FRYL: variants seen among roughly 807,000 people sequenced by gnomAD.
The protein encoded by FRYL is FRY like transcription coactivator.
A neutral mutation model predicts 351.2 loss-of-function variants in FRYL; 150 were observed. That is an observed-to-expected ratio of 0.43 (90% CI 0.37 to 0.49). FRYL has a LOEUF of 0.49. Ranked by LOEUF, FRYL falls within the 20% of genes least tolerant of loss-of-function variation. The pLI is 0.00. For synonymous variants in FRYL, 1,153 were observed against 1,257.1 expected (o/e 0.92, Z 1.75); for missense variants, 3,036 against 3,619.3 (o/e 0.84, Z 4.13).
chr4:48,700,166 A>G (rs1470688448), intron 2 of FRYL, among the ~76,000 whole-genome samples: 1 of 152,244 alleles, frequency 6.6e-6, no homozygotes, highest in Non-Finnish European at 1.5e-5. Flanking sequence ...AGATTGTGGT[A>G]GAAAGTTCTA....
At position 48,561,594 on chromosome 4, in the gene FRYL, C is replaced by A. The variant is rs370498527; in HGVS notation, c.3739G>T (p.Val1247Phe). 2.1e-5 allele frequency: 34 copies of A among 1,611,638 alleles called. No individual in the cohort carries two copies. Among genetic ancestry groups the A allele is most frequent in the Non-Finnish European group, 2.6e-5 (31 of 1,178,490 alleles). ...CTGAGTACTCCATCTGTTCTCTGAA[C>A]CTCCAATTTGTGAGCATAGCGAAAC... The part of the protein sequence containing the change: ...KMFRYAHKLE[V>F]QRTDGVLSQL... Residue 1247 changes from valine (V) to phenylalanine (F), a missense_variant, in exon 33 of 64, where the codon GTT becomes TTT. This residue lies in a region of FRYL where 1,987 missense variants were observed against 2,311.7 expected (regional missense o/e 0.86). Coordinates refer to ENST00000358350, the MANE Select transcript of FRYL (RefSeq NM_015030.2).
intron 7 of FRYL, among the ~76,000 whole-genome samples, chr4:48,617,120 G>A (rs898319672): frequency 6.6e-6 from 1 of 152,016 alleles, no homozygotes; most frequent in African/African-American, 2.4e-5. Flanking sequence ...ATTTTTTGAT[G>A]AGTGCATTTA....
intron 50 of FRYL, among the ~76,000 whole-genome samples, chr4:48,529,660 CA>C (rs1727097055): frequency 2.6e-5 from 4 of 152,104 alleles, no homozygotes; most frequent in Admixed American, 2.6e-4. Context: ...TAATTCTAAT[CA>C]ACAAAAAAGT....
chr4:48,581,826 TTC>T (rs1223213616), intron 20 of FRYL, among the ~76,000 whole-genome samples: 1 of 152,196 alleles, frequency 6.6e-6, no homozygotes, highest in African/African-American at 2.4e-5. Context: ...ACTTCTACCA[TTC>T]TCTGACTATT....
At chr4:48,603,986 CTT>C (rs1420114187) in intron 11 of FRYL, among the ~76,000 whole-genome samples, 1 of 152,186 alleles carries the variant, frequency 6.6e-6, no homozygotes, top group East Asian at 1.9e-4. Flanking sequence ...TAATCATACT[CTT>C]TTTAAAATTT....
chr4:48,581,628 C>G (rs1740917624), intron 20 of FRYL, 23 bp from the exon 21 acceptor site: 1 of 1,559,082 alleles, frequency 6.4e-7, no homozygotes, highest in Non-Finnish European at 8.7e-7. Flanking sequence ...AAGTTAAAAA[C>G]AAAATATAAA....
At chr4:48,704,470 C>T (rs1469490904) in intron 2 of FRYL, among the ~76,000 whole-genome samples, 2 of 152,086 alleles carry the variant, frequency 1.3e-5, no homozygotes, top group East Asian at 3.9e-4. Flanking sequence ...GGTATAACTT[C>T]TTATGAGGAT....
intron 2 of FRYL, among the ~76,000 whole-genome samples, chr4:48,689,067 G>A (rs1765445647): frequency 6.6e-6 from 1 of 152,268 alleles, no homozygotes; most frequent in African/African-American, 2.4e-5. Context: ...AAAATGCTGT[G>A]TAATGATACT....
At chr4:48,738,128 TA>T in intron 1 of FRYL, among the ~76,000 whole-genome samples, 1 of 152,138 alleles carries the variant, frequency 6.6e-6, no homozygotes, top group East Asian at 1.9e-4. Flanking sequence ...GGAAAGGAAA[TA>T]AAAAGTATAT....
Position 48,602,036 on chromosome 4 carries a change from C to T in FRYL, c.1019G>A (p.Cys340Tyr). ...LNNWHIFLQN[C>Y]LSHLKNKDPK... Reference sequence around the variant, plus strand: ...ACATCTTACCTTTAAATGTGACAAACAGTTCTGTAGGAAAATATGCCAGTT... The same window carrying T: ...ACATCTTACCTTTAAATGTGACAAATAGTTCTGTAGGAAAATATGCCAGTT... The change falls in exon 13 of 64, where the codon TGT becomes TAT. Residue 340 changes from cysteine to tyrosine, a missense_variant. Coordinates refer to ENST00000358350, the MANE Select transcript of FRYL (RefSeq NM_015030.2). 6.3e-7 allele frequency: 1 copy of T among 1,575,946 alleles called. No homozygotes were observed. The highest frequency in any genetic ancestry group is 8.7e-7 in the Non-Finnish European group (1 of 1,146,636).
At chr4:48,544,034 TC>T in intron 43 of FRYL, 37 bp from the exon 44 acceptor site, 1 of 1,562,320 alleles carries the variant, frequency 6.4e-7, no homozygotes, top group Non-Finnish European at 8.8e-7. Flanking sequence ...TTGTTCTTGT[TC>T]TTTAGAATAC....
chr4:48,557,356 G>C, intron 34 of FRYL, 97 bp downstream of exon 34: 1 of 1,459,306 alleles, frequency 6.9e-7, no homozygotes, highest in Non-Finnish European at 9.3e-7. Context: ...TATTTGTTTG[G>C]TTATCACAGG....
At chr4:48,756,714 G>A (rs1287883135) in intron 1 of FRYL, among the ~76,000 whole-genome samples, 1 of 152,154 alleles carries the variant, frequency 6.6e-6, no homozygotes, top group Admixed American at 6.6e-5. Context: ...TTGGGAGGTG[G>A]AGGTGGCAAG....
chr4:48,652,021 A>G (rs1757792622), intron 3 of FRYL, among the ~76,000 whole-genome samples: 1 of 152,214 alleles, frequency 6.6e-6, no homozygotes, highest in South Asian at 2.1e-4. Flanking sequence ...CCCCAGACTG[A>G]CTGAATCACT....
rs1244049713 is a variant in FRYL, at chr4:48,677,413, T to G, written c.-81+7260A>C. The stretch of plus-strand genomic sequence containing the variant: ...AAATAACGATTTTTTGTGTGTGTGT[T>G]TTTGTTTTTTTTTTTGAGACAGAGT... On this transcript the variant is annotated intron_variant, in intron 3 of 63. Coordinates refer to ENST00000358350, the MANE Select transcript of FRYL (RefSeq NM_015030.2). Among the ~76,000 whole-genome samples, 6 of 152,040 alleles carry G rather than the reference T, an allele frequency of 3.9e-5. No homozygotes were observed. The South Asian group carries it at 8.3e-4, about 21-fold the overall frequency.
Position 48,498,345 on chromosome 4 carries a change from C to T in FRYL, c.*1077G>A, listed in dbSNP as rs535936610. 6.6e-5 allele frequency: 10 copies of T among 152,286 alleles called. No individual in the cohort carries two copies. The highest frequency in any genetic ancestry group is 2.4e-4 in the African/African-American group (10 of 41,560). The allele number at this position is 152,286 out of a possible 1,614,324, so 9.4% of individuals were successfully genotyped here. On this transcript the variant is annotated 3_prime_UTR_variant, in exon 64 of 64. Transcript: ENST00000358350. The stretch of plus-strand genomic sequence containing the variant: ...AAGTCATATATTCCATCATCAATGA[C>T]CACAATTTTTCTTTAGCTTTGTACA...
chr4:48,583,327 A>G (rs1170026590), intron 19 of FRYL, among the ~76,000 whole-genome samples: 1 of 151,822 alleles, frequency 6.6e-6, no homozygotes, highest in Admixed American at 6.6e-5. Flanking sequence ...AATTTTTTGT[A>G]TTTTTAGTAG....
At chr4:48,560,301 A>G (rs1329169150) in intron 33 of FRYL, among the ~76,000 whole-genome samples, 1 of 152,220 alleles carries the variant, frequency 6.6e-6, no homozygotes, top group Non-Finnish European at 1.5e-5. Context: ...AGAAACAGTG[A>G]AAGTGAAAAT....
intron 16 of FRYL, 56 bp from the exon 17 acceptor site, chr4:48,590,886 G>A: frequency 2.2e-6 from 3 of 1,351,916 alleles, no homozygotes; most frequent in East Asian, 2.4e-5. Flanking sequence ...TACCTTTTTT[G>A]CATGTTAGAA....
Sources: allele counts gnomAD v4.1 joint callset (sites outside exome capture counted in the v4.1 genomes callset), GRCh38; gene constraint gnomAD v4.1.1; regional missense constraint gnomAD v4.1.1; transcripts MANE v1.5; gene names NCBI Gene and HGNC (gene_info 2026-07-23, HGNC 2026-07-21).